Variants in S1PR2 observed in about 807,000 individuals in gnomAD.
S1PR2 encodes the protein sphingosine 1-phosphate receptor 2.
A neutral mutation model predicts 16.1 loss-of-function variants in S1PR2; 9 were observed. The ratio of observed to expected loss-of-function variants is 0.56; its 90% CI spans 0.34 to 0.98. The LOEUF (loss-of-function observed/expected upper bound fraction) is 0.98, where lower values mean the gene tolerates loss of function less well. S1PR2 is among the 50% of genes least tolerant of loss of function. S1PR2 has a pLI of 0.02. For missense variants in S1PR2, 361 were observed against 488.4 expected, an observed-to-expected ratio of 0.74 and a Z score of 2.46; for synonymous variants, 224 against 233.9, an observed-to-expected ratio of 0.96 and a Z score of 0.38.
At position 10,226,357 on chromosome 19, in the gene S1PR2, T is replaced by G. The variant is rs571020992; in HGVS notation, c.-42-1410A>C. Among the ~76,000 whole-genome samples the G allele has an allele frequency of 9.2e-5, 14 of 152,212 alleles. 1 individual carries two copies. In the South Asian group the frequency reaches 2.5e-3, roughly 27 times the overall value. On this transcript the variant is annotated intron_variant, in intron 1 of 1. Transcript: ENST00000646641. Reference sequence around the variant, plus strand: ...AAGGCAATCCAGAATTTGCTCCCATTCCACCTCTGAAACACTGGGCAAGTC... The same window carrying G: ...AAGGCAATCCAGAATTTGCTCCCATGCCACCTCTGAAACACTGGGCAAGTC...
At chr19:10,228,854 G>A (rs534883766) in intron 1 of S1PR2, among the ~76,000 whole-genome samples, 5 of 152,186 alleles carry the variant, frequency 3.3e-5, no homozygotes, top group African/African-American at 7.2e-5. Context: ...AGACTCAGAC[G>A]ACTGTTTGTC....
At chr19:10,225,232 T>A (rs1243612403) in intron 1 of S1PR2, among the ~76,000 whole-genome samples, 1 of 152,034 alleles carries the variant, frequency 6.6e-6, no homozygotes, top group Non-Finnish European at 1.5e-5. Flanking sequence ...TTTATTTATC[T>A]ATATTTTAAA....
rs1234145823 is a variant in S1PR2, at chr19:10,223,843, C to A, written c.*1G>T. 1 of 1,529,678 alleles carries A rather than the reference C, an allele frequency of 6.5e-7. No homozygotes were observed. The highest frequency in any genetic ancestry group is 2.3e-5 in the East Asian group (1 of 44,232). The allele number at this position is 1,529,678 out of a possible 1,614,324, so 94.8% of individuals were successfully genotyped here. A position where few individuals can be genotyped will look rare whatever the true frequency, so the allele number is the denominator to read the frequency against. On this transcript the variant is annotated 3_prime_UTR_variant, in exon 2 of 2. Transcript: ENST00000646641. ...GCCTGGTTGTTGGTCCACCCCCACCCTCAGACCACCGTGTTGCCCTCCAGA... is the reference window on the plus strand; with the variant it reads ...GCCTGGTTGTTGGTCCACCCCCACCATCAGACCACCGTGTTGCCCTCCAGA...
Position 10,224,495 on chromosome 19 carries a change from G to A in S1PR2, c.411C>T (p.Val137=), listed in dbSNP as rs147860417. 3.3e-5 allele frequency: 54 copies of A among 1,613,778 alleles called. No homozygotes were observed. The highest frequency in any genetic ancestry group is 4.5e-5 in the Non-Finnish European group (53 of 1,180,062). Residue 137 remains valine (V), a synonymous_variant, in exon 2 of 2, where the codon GTC becomes GTT. Transcript: ENST00000646641. The part of the protein sequence containing the change: ...AIERHVAIAK[V]KLYGSDKSCR... The stretch of plus-strand genomic sequence containing the variant: ...AGCTCTTGTCGCTGCCATACAGCTT[G>A]ACCTTGGCAATGGCCACGTGGCGCT...
At chr19:10,224,998 C>T (rs2039623365) in intron 1 of S1PR2, 51 bp from the exon 2 acceptor site, 2 of 1,055,014 alleles carry the variant, frequency 1.9e-6, no homozygotes, top group African/African-American at 1.6e-5. Flanking sequence ...GCTGTGGCTG[C>T]TACCTGGGCT....
chr19:10,222,286 C>CA lies in S1PR2; in HGVS notation c.*1557dup, dbSNP rs1014455157. The CA allele has an allele frequency of 6.7e-5, 10 of 149,528 alleles. No individual in the cohort carries two copies. Among genetic ancestry groups the CA allele is most frequent in the South Asian group, 4.3e-4 (2 of 4,702 alleles). The allele number at this position is 149,528 out of a possible 1,614,324, so 9.3% of individuals were successfully genotyped here. On this transcript the variant is annotated 3_prime_UTR_variant, in exon 2 of 2. Transcript: ENST00000646641. Reference sequence around the variant, plus strand: ...CAAAACAAAAATCTTGAAACTGTCTCAAAAAAAAAATCTTGAAAGAAGACA... The same window carrying CA: ...CAAAACAAAAATCTTGAAACTGTCTCAAAAAAAAAAATCTTGAAAGAAGACA...
chr19:10,226,265 G>A (rs988557316), intron 1 of S1PR2, among the ~76,000 whole-genome samples: 2 of 152,212 alleles, frequency 1.3e-5, no homozygotes, highest in African/African-American at 4.8e-5. Flanking sequence ...GTCTTGGGGA[G>A]ACACCAGGGC....
Position 10,228,185 on chromosome 19 carries a change from G to A in S1PR2, c.-43+3019C>T, listed in dbSNP as rs558925417. On this transcript the variant is annotated intron_variant, in intron 1 of 1. Coordinates refer to ENST00000646641, the MANE Select transcript of S1PR2 (RefSeq NM_004230.4). ...AAATTAGCCGGGCATGGTGGTGTGC[G>A]CCTGTGATCCCAGCTACTTGGGAGA... is the stretch of plus-strand genomic sequence containing the variant. 1.7e-4 allele frequency among the ~76,000 whole-genome samples: 25 copies of A among 150,578 alleles called. No homozygotes were observed. In the East Asian group the frequency reaches 3.7e-3, roughly 22 times the overall value.
Position 10,224,186 on chromosome 19 carries a change from G to A in S1PR2, c.720C>T (p.Gly240=), listed in dbSNP as rs768428205. Residue 240 remains glycine (G), a synonymous_variant, in exon 2 of 2, where the codon GGC becomes GGT. Coordinates refer to ENST00000646641, the MANE Select transcript of S1PR2 (RefSeq NM_004230.4). ...ALLKTVTIVL[G]VFIVCWLPAF... ...CGGGCAGCCAGCAGACGATAAAGAC[G>A]CCTAGCACGATGGTGACCGTCTTGA... 3.7e-6 allele frequency: 6 copies of A among 1,610,706 alleles called. No individual in the cohort carries two copies. The highest frequency in any genetic ancestry group is 2.2e-5 in the East Asian group (1 of 44,888).
At chr19:10,228,944 G>C (rs1211256754) in intron 1 of S1PR2, among the ~76,000 whole-genome samples, 1 of 152,152 alleles carries the variant, frequency 6.6e-6, no homozygotes, top group Non-Finnish European at 1.5e-5. Flanking sequence ...GTTCCAGAAA[G>C]GCAGGCCCTG....
chr19:10,224,033 G>A lies in S1PR2; in HGVS notation c.873C>T (p.Arg291=). The change falls in exon 2 of 2, where the codon CGC becomes CGT. Residue 291 remains arginine, a synonymous_variant. Transcript: ENST00000646641. ...GCACCTCCCGCCGCAGGTCCCGGCT[G>A]CGCCACGTGTAGATGACGGGGTTGA... ...SLLNPVIYTW[R]SRDLRREVLR... 1 of 1,612,366 alleles carries A rather than the reference G, an allele frequency of 6.2e-7. No individual in the cohort carries two copies. Among genetic ancestry groups the A allele is most frequent in the Non-Finnish European group, 8.5e-7 (1 of 1,179,844 alleles).
rs778774106 is a variant in S1PR2 at position 10,224,561 on chromosome 19, C to T, written c.345G>A (p.Thr115=). 7.4e-6 allele frequency: 12 copies of T among 1,613,858 alleles called. No homozygotes were observed. The highest frequency in any genetic ancestry group is 3.3e-5 in the Admixed American group (2 of 60,030). The change falls in exon 2 of 2, where the codon ACG becomes ACA. Residue 115 remains threonine, a synonymous_variant. Transcript: ENST00000646641. ...GGAGGCTGAAGACAGAGGCCGAGAG[C>T]GTGATGAAGGCAGAGCCCTCCCGGG... The part of the protein sequence containing the change: ...WFAREGSAFI[T]LSASVFSLLA...
Position 10,223,680 on chromosome 19 carries a change from C to T in S1PR2, c.*164G>A. The stretch of plus-strand genomic sequence containing the variant: ...ACTGCAACACTGCTATGTGACTAGT[C>T]AGTGCCTTATCTGGCCTTTCCAGGT... On this transcript the variant is annotated 3_prime_UTR_variant, in exon 2 of 2. Coordinates refer to ENST00000646641, the MANE Select transcript of S1PR2 (RefSeq NM_004230.4). 1 of 655,120 alleles carries T rather than the reference C, an allele frequency of 1.5e-6. No individual in the cohort carries two copies. The highest frequency in any genetic ancestry group is 2.3e-5 in the South Asian group (1 of 44,296). 40.6% of individuals were successfully genotyped at this position (655,120 alleles called of 1,614,324 possible).
Position 10,223,557 on chromosome 19 carries a change from G to A in S1PR2, c.*287C>T. ...CCTGAGCTCCCCTTAAATGCTGCCT[G>A]CCCTCACCCTGGCTCTTCACAGGTC... On this transcript the variant is annotated 3_prime_UTR_variant, in exon 2 of 2. Coordinates refer to ENST00000646641, the MANE Select transcript of S1PR2 (RefSeq NM_004230.4). 1 of 419,180 alleles carries A rather than the reference G, an allele frequency of 2.4e-6. No individual in the cohort carries two copies. The highest frequency in any genetic ancestry group is 4.2e-6 in the Non-Finnish European group (1 of 237,196). The allele number at this position is 419,180 out of a possible 1,614,324, so 26.0% of individuals were successfully genotyped here.
At chr19:10,225,110 A>G (rs1037173084) in intron 1 of S1PR2, among the ~76,000 whole-genome samples, 163 bp from the exon 2 acceptor site, 5 of 152,182 alleles carry the variant, frequency 3.3e-5, no homozygotes, top group African/African-American at 1.2e-4. Context: ...CAGACGGGAA[A>G]CCCAGAGAGA....
At chr19:10,230,588 G>C (rs941390828) in intron 1 of S1PR2, 1 of 153,624 alleles carries the variant, frequency 6.5e-6, no homozygotes, top group Admixed American at 6.5e-5. Flanking sequence ...TCGGGGCCAC[G>C]CGAGGTCCGC....
rs1473696657 is a variant in S1PR2 at position 10,221,668 on chromosome 19, T to TG, written c.*2175dup. ...ATGGGCCAGCAATTCCAAAGGGGTCTGGGCAGGACCAGAGCTCCCCGACTT... is the reference window on the plus strand; with the variant it reads ...ATGGGCCAGCAATTCCAAAGGGGTCTGGGGCAGGACCAGAGCTCCCCGACTT... On this transcript the variant is annotated 3_prime_UTR_variant, in exon 2 of 2. Transcript: ENST00000646641. 2.0e-5 allele frequency: 3 copies of TG among 152,352 alleles called. No homozygotes were observed. Among genetic ancestry groups the TG allele is most frequent in the Non-Finnish European group, 4.4e-5 (3 of 68,068 alleles). The allele number at this position is 152,352 out of a possible 1,614,324, so 9.4% of individuals were successfully genotyped here.
chr19:10,225,176 G>A (rs1294724917), intron 1 of S1PR2, among the ~76,000 whole-genome samples: 2 of 152,086 alleles, frequency 1.3e-5, no homozygotes, highest in Non-Finnish European at 2.9e-5. Flanking sequence ...AGAGAGACTG[G>A]CTCTGCGGCC....
At chr19:10,226,667 C>A (rs1438223608) in intron 1 of S1PR2, among the ~76,000 whole-genome samples, 1 of 152,138 alleles carries the variant, frequency 6.6e-6, no homozygotes, top group Non-Finnish European at 1.5e-5. Context: ...ATGGGCAGGG[C>A]GCTGGCACCC....
Sources: allele counts gnomAD v4.1 joint callset (sites outside exome capture counted in the v4.1 genomes callset), GRCh38; gene constraint gnomAD v4.1.1; transcripts MANE v1.5; gene names NCBI Gene and HGNC (gene_info 2026-07-23, HGNC 2026-07-21).